LARS2: variants seen among roughly 807,000 people sequenced by gnomAD.
LARS2 encodes the protein leucine--tRNA ligase, mitochondrial.
In LARS2, 81 loss-of-function variants were observed where a neutral mutation model predicts 116.6. The observed-to-expected ratio is 0.69, with a 90% CI of 0.58 to 0.84. The LOEUF is 0.84. Ranked by LOEUF, LARS2 falls within the 40% of genes least tolerant of loss-of-function variation. The pLI is 0.00. For missense variants in LARS2, 968 were observed against 1,114.5 expected (o/e 0.87, Z 1.87); for synonymous variants, 396 against 407.2 (o/e 0.97, Z 0.33).
intron 6 of LARS2, among the ~76,000 whole-genome samples, chr3:45,444,309 A>G (rs1172254376): frequency 2.0e-5 from 3 of 148,242 alleles, no homozygotes; most frequent in Non-Finnish European, 1.5e-5. Flanking sequence ...CACTGCGCCC[A>G]GCCCTTTTTT....
chr3:45,541,516 C>T (rs534989216), intron 20 of LARS2: 47 of 325,878 alleles, frequency 1.4e-4, no homozygotes, highest in Admixed American at 1.3e-3. Flanking sequence ...AAAGGCATTC[C>T]TTCACCAGCA....
At chr3:45,429,842 C>T (rs1324866813) in intron 6 of LARS2, among the ~76,000 whole-genome samples, 1 of 150,956 alleles carries the variant, frequency 6.6e-6, no homozygotes, top group Non-Finnish European at 1.5e-5. Context: ...GCTGGGACTA[C>T]AGGCACCTGC....
At chr3:45,470,472 C>A (rs2125716176) in intron 8 of LARS2, among the ~76,000 whole-genome samples, 1 of 152,262 alleles carries the variant, frequency 6.6e-6, no homozygotes, top group South Asian at 2.1e-4. Context: ...GTTTCAATTT[C>A]TTCAAACATC....
At chr3:45,443,197 C>G (rs1698943965) in intron 6 of LARS2, among the ~76,000 whole-genome samples, 1 of 152,110 alleles carries the variant, frequency 6.6e-6, no homozygotes. Flanking sequence ...CCTAGAAGAC[C>G]CTTGTCTACA....
intron 20 of LARS2, among the ~76,000 whole-genome samples, chr3:45,540,902 C>T (rs972304771): frequency 6.6e-6 from 1 of 152,132 alleles, no homozygotes; most frequent in East Asian, 1.9e-4. Flanking sequence ...CCTCCTGCCT[C>T]AGCCTCCCAA....
At chr3:45,484,354 C>G (rs755945484) in intron 10 of LARS2, among the ~76,000 whole-genome samples, 6 of 151,094 alleles carry the variant, frequency 4.0e-5, no homozygotes, top group Non-Finnish European at 8.8e-5. Context: ...CATCTCTCAT[C>G]TCTTCTTCCA....
intron 6 of LARS2, among the ~76,000 whole-genome samples, chr3:45,430,268 G>A (rs1377828901): frequency 3.8e-5 from 5 of 133,040 alleles, no homozygotes; most frequent in Admixed American, 3.1e-4. Flanking sequence ...CACCGCACCC[G>A]GCCATTTTTT....
At chr3:45,494,777 G>A (rs1303531654) in intron 13 of LARS2, among the ~76,000 whole-genome samples, 2 of 152,182 alleles carry the variant, frequency 1.3e-5, no homozygotes, top group Admixed American at 1.3e-4. Context: ...TCTTAAGAAT[G>A]AGTGTAGCAG....
chr3:45,526,326 A>G lies in LARS2; in HGVS notation c.2404+2218A>G, dbSNP rs189282173. 1.5e-3 allele frequency among the ~76,000 whole-genome samples: 227 copies of G among 152,336 alleles called. 2 individuals carry two copies. Among genetic ancestry groups the G allele is most frequent in the Non-Finnish European group, 2.9e-5 (2 of 68,034 alleles). ...TCCCCAAAGGGATCACTGTCATTCC[A>G]AATTGTCTTTGGAAATTTGTGGCAC... On this transcript the variant is annotated intron_variant, in intron 20 of 21. Transcript: ENST00000645846.
chr3:45,491,659 T>A lies in LARS2; in HGVS notation c.1382T>A (p.Ile461Asn). Residue 461 changes from isoleucine (I) to asparagine (N), a missense_variant, in exon 13 of 22, where the codon ATT (isoleucine) becomes AAT (asparagine). Transcript: ENST00000645846. ...RQRYWGTPIP[I>N]VHCPVCGPTP... The stretch of plus-strand genomic sequence containing the variant: ...CGGTACTGGGGCACACCAATCCCCA[T>A]TGTCCACTGCCCAGTCTGTGGCCCC... The A allele has an allele frequency of 6.2e-7, 1 of 1,614,186 alleles. No individual in the cohort carries two copies. Among genetic ancestry groups the A allele is most frequent in the Non-Finnish European group, 8.5e-7 (1 of 1,180,034 alleles).
At chr3:45,426,041 C>T (rs988845436) in intron 6 of LARS2, among the ~76,000 whole-genome samples, 3 of 151,742 alleles carry the variant, frequency 2.0e-5, no homozygotes, top group African/African-American at 7.3e-5. Context: ...AACATATAGA[C>T]TCTGAATCAT....
chr3:45,518,474 G>A (rs1234995239), intron 18 of LARS2, among the ~76,000 whole-genome samples: 1 of 152,132 alleles, frequency 6.6e-6, no homozygotes, highest in Non-Finnish European at 1.5e-5. Context: ...GAGTTGGAAG[G>A]GGCATTAAGA....
chr3:45,544,867 CAT>C (rs1372808878), intron 21 of LARS2, among the ~76,000 whole-genome samples: 1 of 152,160 alleles, frequency 6.6e-6, no homozygotes, highest in African/African-American at 2.4e-5. Context: ...CAGGAACAAA[CAT>C]AGGGGGGCAG....
chr3:45,548,138 G>C lies in LARS2; in HGVS notation c.*608G>C, dbSNP rs1700901023. 6.6e-6 allele frequency: 1 copy of C among 152,298 alleles called. No individual in the cohort carries two copies. The highest frequency in any genetic ancestry group is 1.5e-5 in the Non-Finnish European group (1 of 68,088). 9.4% of individuals were successfully genotyped at this position (152,298 alleles called of 1,614,324 possible). A position where few individuals can be genotyped will look rare whatever the true frequency, so the allele number is the denominator to read the frequency against. ...TTTGAATCAAAAGGCAGGCAGTGCT[G>C]GTTCCTCTGCCTGTGTCCCCACCAC... On this transcript the variant is annotated 3_prime_UTR_variant, in exon 22 of 22. Transcript: ENST00000645846.
At chr3:45,525,156 T>C (rs374516872) in intron 20 of LARS2, among the ~76,000 whole-genome samples, 16 of 152,360 alleles carry the variant, frequency 1.1e-4, no homozygotes, top group African/African-American at 2.6e-4. Flanking sequence ...TCTTTTTAGC[T>C]AAGATGAGAC....
intron 21 of LARS2, among the ~76,000 whole-genome samples, chr3:45,546,497 GA>G (rs1386228150): frequency 6.6e-6 from 1 of 152,188 alleles, no homozygotes; most frequent in Admixed American, 6.5e-5. Context: ...CTGCAAAACT[GA>G]AAAAATGAAG....
intron 6 of LARS2, among the ~76,000 whole-genome samples, chr3:45,435,641 T>C (rs557166952): frequency 5.1e-4 from 78 of 152,086 alleles, no homozygotes; most frequent in African/African-American, 1.8e-3. Flanking sequence ...CCTTTCTTTC[T>C]CTCCTCTCTC....
intron 6 of LARS2, among the ~76,000 whole-genome samples, chr3:45,429,701 T>TC: frequency 6.9e-6 from 1 of 145,954 alleles, no homozygotes; most frequent in Non-Finnish European, 1.5e-5. Flanking sequence ...CCTTCTGCTT[T>TC]TTTTTTTTTT....
chr3:45,527,478 G>T (rs1286322246), intron 20 of LARS2, among the ~76,000 whole-genome samples: 2 of 152,132 alleles, frequency 1.3e-5, no homozygotes, highest in Non-Finnish European at 2.9e-5. Context: ...CAAAAAATTA[G>T]CCTGGCATGG....
Sources: allele counts gnomAD v4.1 joint callset (sites outside exome capture counted in the v4.1 genomes callset), GRCh38; gene constraint gnomAD v4.1.1; transcripts MANE v1.5; gene names NCBI Gene and HGNC (gene_info 2026-07-23, HGNC 2026-07-21).